Variants in OXR1 observed in about 807,000 individuals in gnomAD.
OXR1 encodes the protein oxidation resistance protein 1.
OXR1 carries 41 observed loss-of-function variants against 104.6 expected under a neutral mutation model. The ratio of observed to expected loss-of-function variants is 0.39; its 90% CI spans 0.31 to 0.51. OXR1 has a LOEUF of 0.51. OXR1 is among the 20% of genes least tolerant of loss of function. The pLI, the probability that OXR1 is intolerant of heterozygous loss-of-function variation, is 0.77. For synonymous variants in OXR1, 348 were observed against 348.4 expected, an observed-to-expected ratio of 1.00 and a Z score of 0.01; for missense variants, 955 against 1,031.9, an observed-to-expected ratio of 0.93 and a Z score of 1.02.
intron 7 of OXR1, among the ~76,000 whole-genome samples, chr8:106,699,992 T>G (rs1830443573): frequency 1.3e-5 from 2 of 152,172 alleles, no homozygotes; most frequent in Admixed American, 1.3e-4. Context: ...TCTTAGTATT[T>G]GCAGAAATAT....
chr8:106,301,571 C>G (rs1382892766), intron 1 of OXR1, among the ~76,000 whole-genome samples: 1 of 152,116 alleles, frequency 6.6e-6, no homozygotes, highest in Non-Finnish European at 1.5e-5. Flanking sequence ...CTGTGATGCC[C>G]TTGTTAGCAA....
At chr8:106,733,545 C>G (rs1299991826) in intron 11 of OXR1, among the ~76,000 whole-genome samples, 1 of 152,098 alleles carries the variant, frequency 6.6e-6, no homozygotes, top group Admixed American at 6.5e-5. Context: ...CTTAGCATCT[C>G]AGTTATACTT....
chr8:106,473,101 A>G (rs1232988207), intron 2 of OXR1, among the ~76,000 whole-genome samples: 2 of 151,878 alleles, frequency 1.3e-5, no homozygotes, highest in Non-Finnish European at 2.9e-5. Flanking sequence ...TGTTTACACT[A>G]TTTGGAAAAG....
chr8:106,401,285 G>A (rs1007333024), intron 2 of OXR1, among the ~76,000 whole-genome samples: 1 of 152,192 alleles, frequency 6.6e-6, no homozygotes, highest in South Asian at 2.1e-4. Context: ...GCAGCTGTCT[G>A]TTCCCTTTCA....
At chr8:106,723,088 G>A (rs1165680590) in intron 11 of OXR1, among the ~76,000 whole-genome samples, 2 of 152,086 alleles carry the variant, frequency 1.3e-5, no homozygotes, top group African/African-American at 4.8e-5. Context: ...AGGCGTGGTG[G>A]CTCACACCTG....
At chr8:106,728,217 GA>G (rs1164061309) in intron 11 of OXR1, among the ~76,000 whole-genome samples, 9,355 of 85,804 alleles carry the variant, frequency 0.11, 446 homozygotes, top group African/African-American at 0.23. Context: ...TTCTAAACTG[GA>G]AAAAAAAAAA....
chr8:106,313,631 C>T (rs896290143), intron 1 of OXR1, among the ~76,000 whole-genome samples: 50 of 91,270 alleles, frequency 5.5e-4, no homozygotes, highest in Non-Finnish European at 8.9e-4. Context: ...ATCCAATGTA[C>T]GTTTATTCTC....
chr8:106,298,101 A>G (rs1434066210), intron 1 of OXR1, among the ~76,000 whole-genome samples: 2 of 152,182 alleles, frequency 1.3e-5, no homozygotes, highest in African/African-American at 2.4e-5. Flanking sequence ...TGCCTTCTCT[A>G]TCAGATATGC....
chr8:106,367,264 T>C (rs928185879), intron 2 of OXR1, among the ~76,000 whole-genome samples: 19 of 151,860 alleles, frequency 1.3e-4, no homozygotes, highest in South Asian at 4.2e-4. Context: ...AGGGTTTCAC[T>C]GTGTTAGCCA....
At chr8:106,338,664 C>G (rs990430794) in intron 1 of OXR1, among the ~76,000 whole-genome samples, 1 of 151,844 alleles carries the variant, frequency 6.6e-6, no homozygotes, top group African/African-American at 2.4e-5. Flanking sequence ...AGTGGGAGCT[C>G]TCATTCTTTT....
intron 2 of OXR1, among the ~76,000 whole-genome samples, chr8:106,376,057 C>A (rs1163030420): frequency 1.3e-5 from 2 of 152,300 alleles, no homozygotes; most frequent in Non-Finnish European, 2.9e-5. Context: ...GTATGTTACC[C>A]AGGCTGGTCT....
At chr8:106,720,126 G>T (rs891969145) in intron 11 of OXR1, among the ~76,000 whole-genome samples, 3 of 152,014 alleles carry the variant, frequency 2.0e-5, no homozygotes, top group African/African-American at 2.4e-5. Context: ...CTTTAAGCTG[G>T]TTTTTTATTT....
intron 3 of OXR1, among the ~76,000 whole-genome samples, chr8:106,597,092 T>C (rs1388310668): frequency 6.6e-6 from 1 of 152,122 alleles, no homozygotes; most frequent in African/African-American, 2.4e-5. Context: ...ACGTGGTATG[T>C]ACACCTCATA....
At chr8:106,284,559 CT>C (rs1244621431) in intron 1 of OXR1, among the ~76,000 whole-genome samples, 1 of 152,128 alleles carries the variant, frequency 6.6e-6, no homozygotes, top group African/African-American at 2.4e-5. Context: ...TGCCTAGCAA[CT>C]TTTTAAAAAG....
At chr8:106,294,122 C>A (rs990744077) in intron 1 of OXR1, among the ~76,000 whole-genome samples, 3 of 151,636 alleles carry the variant, frequency 2.0e-5, no homozygotes, top group African/African-American at 7.3e-5. Context: ...GGGACAATGG[C>A]TTAAATGTCT....
intron 2 of OXR1, among the ~76,000 whole-genome samples, chr8:106,503,737 G>A (rs929147794): frequency 9.9e-5 from 15 of 152,140 alleles, no homozygotes; most frequent in African/African-American, 1.9e-4. Flanking sequence ...AGAATGTTTC[G>A]TGTTGGCAAG....
intron 2 of OXR1, among the ~76,000 whole-genome samples, chr8:106,475,761 A>T (rs1025396662): frequency 6.6e-6 from 1 of 151,858 alleles, no homozygotes; most frequent in African/African-American, 2.4e-5. Flanking sequence ...CTTCTTCCTC[A>T]TTGTCTGGCA....
intron 7 of OXR1, chr8:106,698,094 G>T (rs1203458403): frequency 7.2e-5 from 63 of 879,892 alleles, no homozygotes; most frequent in Non-Finnish European, 7.4e-6. Context: ...GGCTGCAGCT[G>T]CCGAGCTTCT....
chr8:106,657,885 C>G lies in OXR1; in HGVS notation c.221-21325C>G, dbSNP rs1029437531. On this transcript the variant is annotated intron_variant, in intron 3 of 16. Coordinates refer to ENST00000517566, the MANE Select transcript of OXR1 (RefSeq NM_001198533.2). ...TGTGAGGCGCGCGGAGCCGCCTCCC[C>G]TGGGTCAGGTCTGATGGGCCGGTGG... is the stretch of plus-strand genomic sequence containing the variant. The G allele has an allele frequency of 3.2e-6, 4 of 1,245,052 alleles. No homozygotes were observed. The African/African-American group carries it at 6.2e-5, about 19-fold the overall frequency. The allele number at this position is 1,245,052 out of a possible 1,614,324, so 77.1% of individuals were successfully genotyped here.
Sources: allele counts gnomAD v4.1 joint callset (sites outside exome capture counted in the v4.1 genomes callset), GRCh38; gene constraint gnomAD v4.1.1; transcripts MANE v1.5; gene names NCBI Gene and HGNC (gene_info 2026-07-23, HGNC 2026-07-21).